The following ECPAS variants were observed in gnomAD, a reference collection of about 807,000 sequenced individuals.
The protein encoded by ECPAS is proteasome adapter and scaffold protein ECM29.
Under a neutral mutation model 255.1 loss-of-function variants are expected in ECPAS, and 70 were observed. The observed-to-expected ratio is 0.27, with a 90% CI of 0.23 to 0.33. The LOEUF (loss-of-function observed/expected upper bound fraction) is 0.33, where lower values mean the gene tolerates loss of function less well. Among genes scored for constraint, ECPAS ranks in the 10% least tolerant of loss-of-function variants. The probability of loss-of-function intolerance (pLI) is 1.00; values close to 1 mark genes in which losing one functional copy is unlikely to be tolerated. For synonymous variants in ECPAS, 784 were observed against 775.0 expected (o/e 1.01, Z -0.19); for missense variants, 1,817 against 2,206.4 (o/e 0.82, Z 3.54).
chr9:111,414,822 A>G lies in ECPAS; in HGVS notation c.1765-171T>C, dbSNP rs532145124. Reference sequence around the variant, plus strand: ...GCCATAATGGAGCAAAATTTGTATAATAAGGTTTGCAAATCCAAAGAATTT... The same window carrying G: ...GCCATAATGGAGCAAAATTTGTATAGTAAGGTTTGCAAATCCAAAGAATTT... On this transcript the variant is annotated intron_variant, in intron 18 of 49. Transcript: ENST00000684092. Among the ~76,000 whole-genome samples the G allele has an allele frequency of 2.6e-5, 4 of 152,382 alleles. No homozygotes were observed. The East Asian group carries it at 5.8e-4, about 22-fold the overall frequency.
chr9:111,436,949 T>C lies in ECPAS; in HGVS notation c.699A>G (p.Gln233=), dbSNP rs548330435. 11 of 1,602,678 alleles carry C rather than the reference T, an allele frequency of 6.9e-6. No individual in the cohort carries two copies. Among genetic ancestry groups the C allele is most frequent in the African/African-American group, 2.7e-5 (2 of 74,358 alleles). ...VIGDNPWTPE[Q]LEQCKLGIVK... is the part of the protein sequence containing the mutation. ...AAGCCTTGTGTGATACCTGTTCCAA[T>C]TGTTCAGGTGTCCATGGGTTATCAC... Residue 233 remains glutamine, a synonymous_variant, in exon 7 of 50, where the codon CAA becomes CAG. Coordinates refer to ENST00000684092, the MANE Select transcript of ECPAS (RefSeq NM_001364929.1).
chr9:111,413,406 G>C (rs1394434106), intron 20 of ECPAS, among the ~76,000 whole-genome samples: 1 of 152,140 alleles, frequency 6.6e-6, no homozygotes, highest in African/African-American at 2.4e-5. Context: ...ATAGTATGCT[G>C]CTTTTGATAA....
chr9:111,379,319 T>TAG (rs1564503205), intron 35 of ECPAS, among the ~76,000 whole-genome samples: 1 of 152,240 alleles, frequency 6.6e-6, no homozygotes, highest in Non-Finnish European at 1.5e-5. Flanking sequence ...CCAGTGCATA[T>TAG]AGAAGTTTTG....
chr9:111,434,199 G>T (rs2098234291), intron 7 of ECPAS, among the ~76,000 whole-genome samples: 1 of 152,140 alleles, frequency 6.6e-6, no homozygotes, highest in Admixed American at 6.5e-5. Context: ...AAAAGGGCCT[G>T]CCTTCCCTCC....
intron 2 of ECPAS, among the ~76,000 whole-genome samples, chr9:111,470,832 C>A (rs1204851942): frequency 1.3e-5 from 2 of 150,096 alleles, no homozygotes; most frequent in Non-Finnish European, 2.9e-5. Flanking sequence ...CAAGACTGGG[C>A]CAGGTGACAA....
chr9:111,387,486 AAC>A (rs904281601), intron 31 of ECPAS, among the ~76,000 whole-genome samples: 4 of 93,548 alleles, frequency 4.3e-5, no homozygotes, highest in Non-Finnish European at 9.1e-5. Context: ...GTTATTGAGG[AAC>A]AGAGTCTCAC....
intron 14 of ECPAS, 28 bp from the exon 15 acceptor site, chr9:111,422,071 C>A: frequency 6.2e-7 from 1 of 1,613,592 alleles, no homozygotes; most frequent in Non-Finnish European, 8.5e-7. Context: ...ATGTTTCCCT[C>A]CTTGTTGGGT....
At position 111,407,428 on chromosome 9, in the gene ECPAS, A is replaced by AAAAAAAAAAAAAAAAAAG. The variant is rs751687233; in HGVS notation, c.2652+1142_2652+1143insCTTTTTTTTTTTTTTTTT. Among the ~76,000 whole-genome samples the AAAAAAAAAAAAAAAAAAG allele has an allele frequency of 7.3e-4, 72 of 98,816 alleles. 4 individuals are homozygous for AAAAAAAAAAAAAAAAAAG. Among genetic ancestry groups the AAAAAAAAAAAAAAAAAAG allele is most frequent in the Non-Finnish European group, 1.4e-3 (54 of 38,752 alleles). 64.8% of individuals were successfully genotyped at this position (98,816 alleles called of 152,430 possible). A position where few individuals can be genotyped will look rare whatever the true frequency, so the allele number is the denominator to read the frequency against. On this transcript the variant is annotated intron_variant, in intron 24 of 49. Transcript: ENST00000684092. The stretch of plus-strand genomic sequence containing the variant: ...GAAAAAAAAAAAAAAAAAAAAAAAA[A>AAAAAAAAAAAAAAAAAAG]AAAAAAAAAACCTAGAAGAAACCCA...
chr9:111,421,409 ATGTGTGTGTGTGTGTGTGTGTG>A (rs71372622), intron 15 of ECPAS, among the ~76,000 whole-genome samples: 1 of 143,326 alleles, frequency 7.0e-6, no homozygotes, highest in Non-Finnish European at 1.5e-5. Flanking sequence ...TATTACATAT[ATGTGTGTGTGTGTGTGTGTGTG>A]TGTGTGTGTG....
intron 46 of ECPAS, among the ~76,000 whole-genome samples, chr9:111,367,260 T>TA (rs547412132): frequency 6.6e-6 from 1 of 152,018 alleles, no homozygotes; most frequent in Non-Finnish European, 1.5e-5. Context: ...GGGGAGGCAA[T>TA]AAAAAATCTA....
At chr9:111,442,680 A>G (rs1170993843) in intron 4 of ECPAS, among the ~76,000 whole-genome samples, 1 of 152,208 alleles carries the variant, frequency 6.6e-6, no homozygotes, top group African/African-American at 2.4e-5. Flanking sequence ...GCATTCATAT[A>G]TGCAATTTCT....
At chr9:111,402,612 C>T (rs1223498631) in intron 24 of ECPAS, among the ~76,000 whole-genome samples, 1 of 151,998 alleles carries the variant, frequency 6.6e-6, no homozygotes, top group Non-Finnish European at 1.5e-5. Flanking sequence ...ATGACCACAA[C>T]AATTTGTTGA....
At chr9:111,413,288 A>G (rs866398020) in intron 20 of ECPAS, among the ~76,000 whole-genome samples, 1 of 152,252 alleles carries the variant, frequency 6.6e-6, no homozygotes, top group African/African-American at 2.4e-5. Flanking sequence ...AATACATGAT[A>G]GTACATTCAT....
At chr9:111,474,477 T>C (rs1004829584) in intron 1 of ECPAS, among the ~76,000 whole-genome samples, 6 of 152,204 alleles carry the variant, frequency 3.9e-5, no homozygotes, top group Non-Finnish European at 8.8e-5. Flanking sequence ...ACTTGGCCAT[T>C]GTGATACCCT....
chr9:111,395,900 A>G (rs1156605363), intron 25 of ECPAS, among the ~76,000 whole-genome samples: 3 of 152,190 alleles, frequency 2.0e-5, no homozygotes, highest in African/African-American at 7.2e-5. Context: ...AAAACCTCAA[A>G]GAACTGACTC....
intron 2 of ECPAS, among the ~76,000 whole-genome samples, chr9:111,471,196 A>G (rs1313033361): frequency 1.3e-5 from 2 of 152,218 alleles, no homozygotes; most frequent in African/African-American, 4.8e-5. Context: ...AGTATATCAT[A>G]ATGACATTAA....
intron 32 of ECPAS, among the ~76,000 whole-genome samples, 171 bp downstream of exon 32, chr9:111,386,206 C>T (rs1211018512): frequency 6.6e-6 from 1 of 152,226 alleles, no homozygotes; most frequent in Non-Finnish European, 1.5e-5. Flanking sequence ...TCAGGTGATC[C>T]ACCCACCTCA....
chr9:111,434,251 A>T (rs2098234406), intron 7 of ECPAS, among the ~76,000 whole-genome samples: 1 of 152,186 alleles, frequency 6.6e-6, no homozygotes, highest in African/African-American at 2.4e-5. Context: ...CTACAACAGA[A>T]AAGATTCAAA....
chr9:111,463,719 C>A (rs1182308217), intron 2 of ECPAS, among the ~76,000 whole-genome samples: 3 of 151,970 alleles, frequency 2.0e-5, no homozygotes, highest in East Asian at 3.9e-4. Context: ...GACAAAAATG[C>A]CATTAAGAAT....
Sources: gnomAD v4.1 joint callset for allele counts (sites outside exome capture counted in the v4.1 genomes callset) on GRCh38, gnomAD v4.1.1 for gene constraint, MANE v1.5 for transcripts, NCBI Gene and HGNC (gene_info 2026-07-23, HGNC 2026-07-21) for gene names.